The following C9orf40 variants were observed in gnomAD, a reference collection of about 807,000 sequenced individuals.
C9orf40 encodes the protein uncharacterized protein C9orf40.
In C9orf40, 2 loss-of-function variants were observed where a neutral mutation model predicts 7.9. The ratio of observed to expected loss-of-function variants is 0.25; its 90% confidence interval spans 0.10 to 0.80. The LOEUF (loss-of-function observed/expected upper bound fraction) is 0.80, where lower values mean the gene tolerates loss of function less well. C9orf40 is among the 30% of genes least tolerant of loss of function. C9orf40 has a pLI of 0.68. For synonymous variants in C9orf40, 113 were observed against 117.6 expected (o/e 0.96, Z 0.25); for missense variants, 256 against 268.5 (o/e 0.95, Z 0.33).
In C9orf40 at chr9:74,948,214, G is replaced by GA. The variant is rs767300906; in HGVS notation, c.427-9dup. On this transcript the variant is annotated splice_polypyrimidine_tract_variant and intron_variant, in intron 1 of 1. Transcript: ENST00000376854. ...CCAAAATTCTTCATTGTGCTTTAGA[G>GA]AAAAAAGAGAGATCAAAGAGCATCA... is the stretch of plus-strand genomic sequence containing the variant. The GA allele has an allele frequency of 1.9e-6, 3 of 1,588,332 alleles. No individual in the cohort carries two copies. In the South Asian group the frequency reaches 3.4e-5, roughly 18 times the overall value.
Position 74,947,921 on chromosome 9 carries a change from T to C in C9orf40, c.*127A>G. The stretch of plus-strand genomic sequence containing the variant: ...GTAGGTATTTAATGTCAGAACAATC[T>C]TTCTTCATTTCTCAGGTTTGGAAAT... On this transcript the variant is annotated 3_prime_UTR_variant, in exon 2 of 2. Coordinates refer to ENST00000376854, the MANE Select transcript of C9orf40 (RefSeq NM_017998.3). The C allele has an allele frequency of 4.3e-6, 4 of 920,516 alleles. No individual in the cohort carries two copies. In the Admixed American group the frequency reaches 7.4e-5, roughly 17 times the overall value. 57.0% of individuals were successfully genotyped at this position (920,516 alleles called of 1,614,324 possible).
chr9:74,952,137 G>T lies in C9orf40; in HGVS notation c.426+49C>A. 1.5e-6 allele frequency: 1 copy of T among 663,564 alleles called. No homozygotes were observed. The highest frequency in any genetic ancestry group is 2.1e-6 in the Non-Finnish European group (1 of 467,112). The allele number at this position is 663,564 out of a possible 1,614,324, so 41.1% of individuals were successfully genotyped here. On this transcript the variant is annotated intron_variant, in intron 1 of 1. Transcript: ENST00000376854. This position sits in a 1 kb window ranked among gnomAD's most constrained non-coding sequence, Gnocchi z 5.4. ...AACCGGGGCGTTTTGTGTGTGTGGG[G>T]AAAAGGCAAGCCCCTTCGCCCCTCA...
At position 74,952,894 on chromosome 9, in the gene C9orf40, A is replaced by C; in HGVS notation, c.-283T>G. The C allele has an allele frequency of 7.5e-6, 3 of 398,118 alleles. No individual in the cohort carries two copies. Among genetic ancestry groups the C allele is most frequent in the Non-Finnish European group, 1.4e-5 (3 of 221,594 alleles). 24.7% of individuals were successfully genotyped at this position (398,118 alleles called of 1,614,324 possible). A position where few individuals can be genotyped will look rare whatever the true frequency, so the allele number is the denominator to read the frequency against. ...CGGCGGAGATTCGAACCTGCGCACA[A>C]CGTGCGCGCGCGCACTCTGTCTGGC... On this transcript the variant is annotated 5_prime_UTR_variant, in exon 1 of 2. Coordinates refer to ENST00000376854, the MANE Select transcript of C9orf40 (RefSeq NM_017998.3). This position sits in a 1 kb window ranked among gnomAD's most constrained non-coding sequence, Gnocchi z 5.4.
rs143876075 is a variant in C9orf40, at chr9:74,950,120, T to C, written c.427-1914A>G. Among the ~76,000 whole-genome samples, 471 of 152,294 alleles carry C rather than the reference T, an allele frequency of 3.1e-3. 2 individuals carry two copies. The highest frequency in any genetic ancestry group is 0.011 in the African/African-American group (446 of 41,540). On this transcript the variant is annotated intron_variant, in intron 1 of 1. Coordinates refer to ENST00000376854, the MANE Select transcript of C9orf40 (RefSeq NM_017998.3). ...TGGGAGCGAGACCCCAAGACCCTTT[T>C]TTAAAAAACAACAAAGAGAACAAGG...
chr9:74,948,290 G>C (rs2118674613), intron 1 of C9orf40, 84 bp from the exon 2 acceptor site: 1 of 885,506 alleles, frequency 1.1e-6, no homozygotes. Flanking sequence ...TGTTTTAAAG[G>C]CAAACTCATA....
chr9:74,948,317 T>C, intron 1 of C9orf40, 111 bp from the exon 2 acceptor site: 1 of 648,958 alleles, frequency 1.5e-6, no homozygotes, highest in South Asian at 2.6e-5. Flanking sequence ...TTTGTAATCT[T>C]CTATTTTGTA....
Position 74,946,592 on chromosome 9 carries a change from T to C in C9orf40, c.*1456A>G, listed in dbSNP as rs1201304440. 6.6e-6 allele frequency: 1 copy of C among 152,152 alleles called. No homozygotes were observed. Among genetic ancestry groups the C allele is most frequent in the African/African-American group, 2.4e-5 (1 of 41,458 alleles). The allele number at this position is 152,152 out of a possible 1,614,324, so 9.4% of individuals were successfully genotyped here. A position where few individuals can be genotyped will look rare whatever the true frequency, so the allele number is the denominator to read the frequency against. On this transcript the variant is annotated 3_prime_UTR_variant, in exon 2 of 2. Coordinates refer to ENST00000376854, the MANE Select transcript of C9orf40 (RefSeq NM_017998.3). ...CAATAAACAGTCTCTCTGAGGTAGATACTATTTATTATTTCTCATTTTACA... is the reference window on the plus strand; with the variant it reads ...CAATAAACAGTCTCTCTGAGGTAGACACTATTTATTATTTCTCATTTTACA...
At position 74,952,417 on chromosome 9, in the gene C9orf40, C is replaced by T. The variant is rs1564081146; in HGVS notation, c.195G>A (p.Glu65=). Residue 65 remains glutamate (E), a synonymous_variant, in exon 1 of 2, where the codon GAG becomes GAA. Coordinates refer to ENST00000376854, the MANE Select transcript of C9orf40 (RefSeq NM_017998.3). This position sits in a 1 kb window ranked among gnomAD's most constrained non-coding sequence, Gnocchi z 5.4. ...KRKIDAGTMA[E]PSASPSKRRD... is the part of the protein sequence containing the mutation. ...GGCGCTTGCTGGGCGAAGCCGAGGG[C>T]TCTGCCATGGTCCCTGCGTCGATTT... 4 of 1,593,770 alleles carry T rather than the reference C, an allele frequency of 2.5e-6. No homozygotes were observed. The highest frequency in any genetic ancestry group is 1.7e-5 in the Admixed American group (1 of 59,018).
At position 74,947,960 on chromosome 9, in the gene C9orf40, T is replaced by C. The variant is rs540415846; in HGVS notation, c.*88A>G. 4.3e-5 allele frequency: 56 copies of C among 1,301,962 alleles called. No individual in the cohort carries two copies. The highest frequency in any genetic ancestry group is 5.6e-5 in the Non-Finnish European group (52 of 936,166). The allele number at this position is 1,301,962 out of a possible 1,614,324, so 80.7% of individuals were successfully genotyped here. A position where few individuals can be genotyped will look rare whatever the true frequency, so the allele number is the denominator to read the frequency against. ...AGGTTTGGAAATATAACTTCAAGTA[T>C]GGAAAATAACTTTTCCCTTAAGAAT... On this transcript the variant is annotated 3_prime_UTR_variant, in exon 2 of 2. Coordinates refer to ENST00000376854, the MANE Select transcript of C9orf40 (RefSeq NM_017998.3).
rs1048885242 is a variant in C9orf40 at position 74,947,288 on chromosome 9, T to C, written c.*760A>G. On this transcript the variant is annotated 3_prime_UTR_variant, in exon 2 of 2. Coordinates refer to ENST00000376854, the MANE Select transcript of C9orf40 (RefSeq NM_017998.3). ...TTAAAGTGCTGTCAGTGTTGAAAAC[T>C]ACAGGTCTAAAGTAATAAGGAATAA... is the stretch of plus-strand genomic sequence containing the variant. 8 of 152,604 alleles carry C rather than the reference T, an allele frequency of 5.2e-5. No homozygotes were observed. Among genetic ancestry groups the C allele is most frequent in the African/African-American group, 1.7e-4 (7 of 41,436 alleles). The allele number at this position is 152,604 out of a possible 1,614,324, so 9.5% of individuals were successfully genotyped here. A position where few individuals can be genotyped will look rare whatever the true frequency, so the allele number is the denominator to read the frequency against.
chr9:74,948,954 A>G (rs574256895), intron 1 of C9orf40, among the ~76,000 whole-genome samples: 3 of 152,304 alleles, frequency 2.0e-5, no homozygotes, highest in South Asian at 4.1e-4. Context: ...CTACTGTACA[A>G]ATTATCTACT....
In C9orf40 at chr9:74,952,761, G is replaced by A. The variant is rs1252076881; in HGVS notation, c.-150C>T. The A allele has an allele frequency of 7.5e-6, 5 of 663,006 alleles. No individual in the cohort carries two copies. The highest frequency in any genetic ancestry group is 2.1e-5 in the South Asian group (1 of 48,678). The allele number at this position is 663,006 out of a possible 1,614,324, so 41.1% of individuals were successfully genotyped here. On this transcript the variant is annotated 5_prime_UTR_variant, in exon 1 of 2. Coordinates refer to ENST00000376854, the MANE Select transcript of C9orf40 (RefSeq NM_017998.3). The surrounding 1 kb of genome is among the most constrained non-coding windows in gnomAD (Gnocchi z 5.4). Reference sequence around the variant, plus strand: ...AGGACGCTGGAGGGGGTAGGGCGGGGCAGCTCGCGCAGGGCCTAGGGCTGG... The same window carrying A: ...AGGACGCTGGAGGGGGTAGGGCGGGACAGCTCGCGCAGGGCCTAGGGCTGG...
In C9orf40 at chr9:74,952,162, A is replaced by AAG; in HGVS notation, c.426+23_426+24insCT. 2 of 399,270 alleles carry AAG rather than the reference A, an allele frequency of 5.0e-6. No homozygotes were observed. The highest frequency in any genetic ancestry group is 4.0e-6 in the Non-Finnish European group (1 of 252,758). The allele number at this position is 399,270 out of a possible 1,614,324, so 24.7% of individuals were successfully genotyped here. A position where few individuals can be genotyped will look rare whatever the true frequency, so the allele number is the denominator to read the frequency against. The stretch of plus-strand genomic sequence containing the variant: ...GAAAAGGCAAGCCCCTTCGCCCCTC[A>AAG]GCCCACCCGCCCCCAGCCCCTACCT... On this transcript the variant is annotated intron_variant, in intron 1 of 1. Coordinates refer to ENST00000376854, the MANE Select transcript of C9orf40 (RefSeq NM_017998.3). This position sits in a 1 kb window ranked among gnomAD's most constrained non-coding sequence, Gnocchi z 5.4.
Position 74,952,372 on chromosome 9 carries a change from G to T in C9orf40, c.240C>A (p.Ser80Arg). 6.4e-7 allele frequency: 1 copy of T among 1,563,796 alleles called. No homozygotes were observed. Among genetic ancestry groups the T allele is most frequent in the East Asian group, 2.4e-5 (1 of 41,202 alleles). Residue 80 changes from serine (S) to arginine (R), a missense_variant, in exon 1 of 2, where the codon AGC becomes AGA. By Grantham distance (110) the Ser-to-Arg change is moderately radical (BLOSUM62 -1). Coordinates refer to ENST00000376854, the MANE Select transcript of C9orf40 (RefSeq NM_017998.3). The surrounding 1 kb of genome is among the most constrained non-coding windows in gnomAD (Gnocchi z 5.4). ...CCTCACGCTCCTGGCCGCTCGGGGC[G>T]CTGTTGTCCCCGCTGTCACGGCGCT... is the stretch of plus-strand genomic sequence containing the variant. ...PSKRRDSGDN[S>R]APSGQEREDH...
Position 74,948,214 on chromosome 9 carries a change from G to C in C9orf40, c.427-8C>G. On this transcript the variant is annotated splice_polypyrimidine_tract_variant and splice_region_variant and intron_variant, in intron 1 of 1. Transcript: ENST00000376854. Reference sequence around the variant, plus strand: ...CCAAAATTCTTCATTGTGCTTTAGAGAAAAAAGAGAGATCAAAGAGCATCA... The same window carrying C: ...CCAAAATTCTTCATTGTGCTTTAGACAAAAAAGAGAGATCAAAGAGCATCA... 4 of 1,588,332 alleles carry C rather than the reference G, an allele frequency of 2.5e-6. No individual in the cohort carries two copies. Among genetic ancestry groups the C allele is most frequent in the Non-Finnish European group, 3.4e-6 (4 of 1,167,632 alleles).
chr9:74,949,304 C>T (rs1262123248), intron 1 of C9orf40, among the ~76,000 whole-genome samples: 1 of 152,062 alleles, frequency 6.6e-6, no homozygotes, highest in Non-Finnish European at 1.5e-5. Context: ...GCAGAAGGAT[C>T]GCTTGAGCCC....
intron 1 of C9orf40, among the ~76,000 whole-genome samples, chr9:74,950,197 C>T (rs1003051157): frequency 2.0e-5 from 3 of 152,212 alleles, no homozygotes; most frequent in African/African-American, 7.2e-5. Context: ...CCCTGTCATG[C>T]GCTTGCAGCG....
At chr9:74,951,348 C>T (rs1832293952) in intron 1 of C9orf40, among the ~76,000 whole-genome samples, 1 of 152,064 alleles carries the variant, frequency 6.6e-6, no homozygotes. Flanking sequence ...CTGGAGTGCA[C>T]TGGCCCAATC....
chr9:74,948,744 A>T (rs1417865978), intron 1 of C9orf40, among the ~76,000 whole-genome samples: 1 of 152,146 alleles, frequency 6.6e-6, no homozygotes, highest in Non-Finnish European at 1.5e-5. Context: ...TAAAAAAAAA[A>T]TCAATGCTCA....
Sources: gnomAD v4.1 joint callset for allele counts (sites outside exome capture counted in the v4.1 genomes callset) on GRCh38, gnomAD v4.1.1 for gene constraint, Gnocchi (gnomAD v3.1) non-coding constraint, MANE v1.5 for transcripts, NCBI Gene and HGNC (gene_info 2026-07-23, HGNC 2026-07-21) for gene names.